The following RPS6KC1 variants were observed in gnomAD, a reference collection of about 807,000 sequenced individuals.
RPS6KC1 encodes inactive ribosomal protein S6 kinase delta-1.
RPS6KC1 carries 54 observed loss-of-function variants against 103.8 expected under a neutral mutation model. The observed-to-expected ratio is 0.52, with a 90% CI of 0.42 to 0.65. The LOEUF is 0.65. Among genes scored for constraint, RPS6KC1 ranks in the 30% least tolerant of loss-of-function variants. The pLI is 0.00. For missense variants in RPS6KC1, 1,151 were observed against 1,253.8 expected (o/e 0.92, Z 1.24); for synonymous variants, 439 against 438.7 (o/e 1.00, Z -0.01).
chr1:213,747,812 G>A, the RPS6KC1 span, among the ~76,000 whole-genome samples: 1 of 152,188 alleles, frequency 6.6e-6, no homozygotes, highest in Non-Finnish European at 1.5e-5. Flanking sequence ...TGTCATGGAA[G>A]TTCAGAACAA....
the RPS6KC1 span, among the ~76,000 whole-genome samples, chr1:213,388,789 G>A: frequency 3.9e-5 from 6 of 152,312 alleles, no homozygotes; most frequent in South Asian, 8.3e-4. Flanking sequence ...GATCTTCAGC[G>A]GGGGCCTGTA....
the RPS6KC1 span, among the ~76,000 whole-genome samples, chr1:213,644,173 A>G: frequency 0.25 from 37,562 of 152,026 alleles, 6,228 homozygotes; most frequent in African/African-American, 0.48. Flanking sequence ...TTTTAAGTAT[A>G]TACAAGCAAA....
the RPS6KC1 span, among the ~76,000 whole-genome samples, chr1:213,785,879 G>A: frequency 1.3e-5 from 2 of 152,056 alleles, no homozygotes; most frequent in Non-Finnish European, 2.9e-5. Context: ...TGTGCCATAC[G>A]GTAGGTGATG....
At chr1:213,363,641 T>G in the RPS6KC1 span, among the ~76,000 whole-genome samples, 5,722 of 56,406 alleles carry the variant, frequency 0.1, 261 homozygotes, top group Non-Finnish European at 0.12. Flanking sequence ...TTTCTTTCTT[T>G]CTTTCTTTCT....
At chr1:213,579,549 T>G in the RPS6KC1 span, among the ~76,000 whole-genome samples, 1 of 152,116 alleles carries the variant, frequency 6.6e-6, no homozygotes, top group Non-Finnish European at 1.5e-5. Context: ...ACAACAGATT[T>G]TCCATGTAGA....
the RPS6KC1 span, among the ~76,000 whole-genome samples, chr1:213,535,465 A>G: frequency 6.6e-6 from 1 of 152,192 alleles, no homozygotes; most frequent in Non-Finnish European, 1.5e-5. Context: ...TGTATTCATC[A>G]TATCTGCCTG....
chr1:213,529,465 A>T, the RPS6KC1 span, among the ~76,000 whole-genome samples: 1 of 152,174 alleles, frequency 6.6e-6, no homozygotes, highest in Admixed American at 6.5e-5. Flanking sequence ...TAACCTGGCA[A>T]TTTCAACTCT....
At chr1:213,263,571 A>G (rs1247422866) in intron 14 of RPS6KC1, among the ~76,000 whole-genome samples, 1 of 152,210 alleles carries the variant, frequency 6.6e-6, no homozygotes, top group African/African-American at 2.4e-5. Context: ...TCCTTGAAAA[A>G]TATCAAGAAC....
intron 5 of RPS6KC1, among the ~76,000 whole-genome samples, chr1:213,125,995 G>C (rs1480056489): frequency 6.6e-6 from 1 of 152,052 alleles, no homozygotes; most frequent in Non-Finnish European, 1.5e-5. Context: ...GTGATAGATG[G>C]TGTGAAGGTT....
At chr1:213,619,432 T>G in the RPS6KC1 span, among the ~76,000 whole-genome samples, 2 of 152,230 alleles carry the variant, frequency 1.3e-5, no homozygotes, top group Non-Finnish European at 2.9e-5. Context: ...CACCAAGGAT[T>G]GCATTTACAT....
the RPS6KC1 span, among the ~76,000 whole-genome samples, chr1:213,745,704 G>T: frequency 6.6e-6 from 1 of 152,082 alleles, no homozygotes; most frequent in African/African-American, 2.4e-5. Flanking sequence ...ATGAGGGAAG[G>T]ATCCCAACAC....
downstream of RPS6KC1, among the ~76,000 whole-genome samples, chr1:213,275,076 G>A (rs1182134965): frequency 6.6e-6 from 1 of 151,938 alleles, no homozygotes; most frequent in Admixed American, 6.6e-5. Flanking sequence ...TTTGTTTTTT[G>A]TCCTTATTTC....
chr1:213,147,507 G>A (rs982740539), intron 6 of RPS6KC1, among the ~76,000 whole-genome samples: 1 of 152,148 alleles, frequency 6.6e-6, no homozygotes, highest in Non-Finnish European at 1.5e-5. Context: ...GTTCACTGTA[G>A]GTGTGTGGAT....
the RPS6KC1 span, among the ~76,000 whole-genome samples, chr1:213,284,305 C>T: frequency 3.9e-5 from 6 of 152,242 alleles, no homozygotes; most frequent in African/African-American, 1.2e-4. Context: ...TTGCTTTGGC[C>T]GGGAGTTTGA....
chr1:213,320,378 G>GCACT, the RPS6KC1 span, among the ~76,000 whole-genome samples: 1 of 152,232 alleles, frequency 6.6e-6, no homozygotes, highest in Non-Finnish European at 1.5e-5. Flanking sequence ...AAATGTTACA[G>GCACT]CACTGCGGGC....
chr1:213,107,270 C>T (rs1001797538), intron 4 of RPS6KC1, among the ~76,000 whole-genome samples: 2 of 152,138 alleles, frequency 1.3e-5, no homozygotes, highest in African/African-American at 2.4e-5. Flanking sequence ...ATTTCCATTA[C>T]CGCACCTCTG....
At chr1:213,365,105 A>G in the RPS6KC1 span, among the ~76,000 whole-genome samples, 2 of 152,174 alleles carry the variant, frequency 1.3e-5, no homozygotes, top group Non-Finnish European at 2.9e-5. Context: ...GGTTAGAGAA[A>G]TCTTCTCGAA....
the RPS6KC1 span, among the ~76,000 whole-genome samples, chr1:213,823,752 A>ACACACACACACACC: frequency 2.0e-5 from 3 of 147,248 alleles, no homozygotes; most frequent in African/African-American, 7.5e-5. Flanking sequence ...ACACACACAC[A>ACACACACACACACC]CCACACCACA....
the RPS6KC1 span, among the ~76,000 whole-genome samples, chr1:213,788,688 G>A: frequency 3.9e-5 from 6 of 152,114 alleles, no homozygotes; most frequent in South Asian, 2.1e-4. Flanking sequence ...GACACCATGC[G>A]GATGGCCCAA....
Sources: gnomAD v4.1 joint callset for allele counts (sites outside exome capture counted in the v4.1 genomes callset) on GRCh38, gnomAD v4.1.1 for gene constraint, MANE v1.5 for transcripts, NCBI Gene and HGNC (gene_info 2026-07-23, HGNC 2026-07-21) for gene names.